NRG3: variants seen among roughly 807,000 people sequenced by gnomAD.
NRG3 encodes neuregulin 3.
NRG3 carries 31 observed loss-of-function variants against 66.9 expected under a neutral mutation model. The observed-to-expected ratio is 0.46, with a 90% CI of 0.35 to 0.63. NRG3 has a LOEUF of 0.63. Ranked by LOEUF, NRG3 falls within the 20% of genes least tolerant of loss-of-function variation. The probability of loss-of-function intolerance (pLI) is 0.00; values close to 1 mark genes in which losing one functional copy is unlikely to be tolerated. For synonymous variants in NRG3, 393 were observed against 359.4 expected (o/e 1.09, Z -1.06); for missense variants, 910 against 878.9 (o/e 1.04, Z -0.45).
At chr10:81,966,618 A>T (rs922208190) in intron 1 of NRG3, among the ~76,000 whole-genome samples, 7 of 151,934 alleles carry the variant, frequency 4.6e-5, no homozygotes, top group Admixed American at 1.3e-4. Flanking sequence ...TCTATTTTCT[A>T]CCTTTGGAAA....
intron 2 of NRG3, among the ~76,000 whole-genome samples, chr10:82,363,548 C>G (rs1250277395): frequency 6.6e-6 from 1 of 152,196 alleles, no homozygotes; most frequent in Non-Finnish European, 1.5e-5. Flanking sequence ...CTCCGCTTCC[C>G]AGGTTCACGC....
At chr10:82,824,677 A>G (rs2135599424) in intron 3 of NRG3, among the ~76,000 whole-genome samples, 1 of 150,084 alleles carries the variant, frequency 6.7e-6, no homozygotes, top group East Asian at 1.9e-4. Context: ...TTTTTTGAGA[A>G]CTGTATATAC....
At chr10:82,844,598 T>C (rs1053462479) in intron 3 of NRG3, among the ~76,000 whole-genome samples, 5 of 151,938 alleles carry the variant, frequency 3.3e-5, no homozygotes, top group African/African-American at 1.2e-4. Context: ...TGCAAGTCTG[T>C]CTACAACTTA....
chr10:82,292,604 T>G (rs553682525), intron 1 of NRG3, among the ~76,000 whole-genome samples: 16 of 152,346 alleles, frequency 1.1e-4, no homozygotes, highest in African/African-American at 3.6e-4. Context: ...TGGTTGTTCT[T>G]TGGCAGGTGA....
At chr10:82,470,631 C>T (rs1179142097) in intron 2 of NRG3, among the ~76,000 whole-genome samples, 1 of 152,178 alleles carries the variant, frequency 6.6e-6, no homozygotes, top group African/African-American at 2.4e-5. Context: ...TCCAGCAGTG[C>T]CCAGAACTCA....
intron 2 of NRG3, among the ~76,000 whole-genome samples, chr10:82,474,669 A>G (rs1403610273): frequency 1.3e-5 from 2 of 152,172 alleles, no homozygotes; most frequent in African/African-American, 4.8e-5. Flanking sequence ...AGTCCAAGAA[A>G]GAGAAGCAGG....
chr10:82,751,130 G>A (rs80094088), intron 3 of NRG3, among the ~76,000 whole-genome samples: 2,817 of 152,148 alleles, frequency 0.019, 89 homozygotes, highest in African/African-American at 0.061. Context: ...TGAATTCCTG[G>A]CTCCCCTAAC....
chr10:82,750,491 G>C (rs2058820881), intron 3 of NRG3, among the ~76,000 whole-genome samples: 1 of 152,108 alleles, frequency 6.6e-6, no homozygotes, highest in South Asian at 2.1e-4. Flanking sequence ...ACAGGGTTCT[G>C]AATTTTCTCT....
intron 7 of NRG3, 100 bp downstream of exon 7, chr10:82,974,015 T>C: frequency 7.4e-7 from 1 of 1,342,484 alleles, no homozygotes; most frequent in East Asian, 2.3e-5. Context: ...GAGAGACAAC[T>C]GTTCTTGCTT....
chr10:82,053,697 A>T (rs2063706292), intron 1 of NRG3, among the ~76,000 whole-genome samples: 2 of 152,222 alleles, frequency 1.3e-5, no homozygotes, highest in Non-Finnish European at 2.9e-5. Flanking sequence ...GAGGAAACTG[A>T]TAGTAATACT....
chr10:82,609,877 C>T (rs1366210810), intron 2 of NRG3, among the ~76,000 whole-genome samples: 1 of 152,144 alleles, frequency 6.6e-6, no homozygotes, highest in Non-Finnish European at 1.5e-5. Flanking sequence ...ACAAATTTAG[C>T]AACTTAAAGT....
At chr10:82,786,672 T>G (rs1466570468) in intron 3 of NRG3, among the ~76,000 whole-genome samples, 1 of 152,140 alleles carries the variant, frequency 6.6e-6, no homozygotes, top group Non-Finnish European at 1.5e-5. Context: ...AAGAATTTAT[T>G]TTGTGTGTGA....
At chr10:81,984,101 A>G (rs999401415) in intron 1 of NRG3, among the ~76,000 whole-genome samples, 3 of 152,168 alleles carry the variant, frequency 2.0e-5, no homozygotes, top group African/African-American at 7.2e-5. Context: ...AAAAGCAGGG[A>G]AAGAGTCTCC....
At chr10:82,812,011 T>A (rs17746717) in intron 3 of NRG3, among the ~76,000 whole-genome samples, 2,072 of 152,330 alleles carry the variant, frequency 0.014, 25 homozygotes, top group Non-Finnish European at 0.02. Context: ...CTTAAAGAGA[T>A]GTCAGCTGGC....
At chr10:82,833,108 T>C (rs2135690420) in intron 3 of NRG3, among the ~76,000 whole-genome samples, 1 of 152,218 alleles carries the variant, frequency 6.6e-6, no homozygotes, top group African/African-American at 2.4e-5. Flanking sequence ...GAGGTGCTCT[T>C]AACTCTCAAA....
chr10:82,303,117 C>G (rs1210067472), intron 1 of NRG3, among the ~76,000 whole-genome samples: 1 of 152,124 alleles, frequency 6.6e-6, no homozygotes, highest in Non-Finnish European at 1.5e-5. Context: ...CAAATACTTT[C>G]AAGGCTGTTT....
chr10:82,381,715 T>C (rs1055858845), intron 2 of NRG3, among the ~76,000 whole-genome samples: 1 of 152,204 alleles, frequency 6.6e-6, no homozygotes, highest in Non-Finnish European at 1.5e-5. Flanking sequence ...TTTATCACAC[T>C]AAATGAGACA....
intron 4 of NRG3, among the ~76,000 whole-genome samples, chr10:82,932,320 T>C (rs1564641725): frequency 6.6e-6 from 1 of 152,212 alleles, no homozygotes; most frequent in Non-Finnish European, 1.5e-5. Context: ...ACAAATTGAG[T>C]AAATTCAATT....
chr10:82,283,477 A>G (rs913557113), intron 1 of NRG3, among the ~76,000 whole-genome samples: 3 of 152,260 alleles, frequency 2.0e-5, no homozygotes, highest in East Asian at 1.9e-4. Flanking sequence ...TTGATTTATT[A>G]TTTTGTCAAA....
Sources: allele counts gnomAD v4.1 joint callset (sites outside exome capture counted in the v4.1 genomes callset), GRCh38; gene constraint gnomAD v4.1.1; transcripts MANE v1.5; gene names NCBI Gene and HGNC (gene_info 2026-07-23, HGNC 2026-07-21).